The following LNX1 variants were observed in gnomAD, a reference collection of about 807,000 sequenced individuals.
LNX1 encodes the protein E3 ubiquitin-protein ligase LNX.
A neutral mutation model predicts 68.4 loss-of-function variants in LNX1; 54 were observed. The ratio of observed to expected loss-of-function variants is 0.79; its 90% CI spans 0.63 to 0.99. LNX1 has a LOEUF of 0.99. Among genes scored for constraint, LNX1 ranks in the 50% least tolerant of loss-of-function variants. The pLI, the probability that LNX1 is intolerant of heterozygous loss-of-function variation, is 0.00. For synonymous variants in LNX1, 336 were observed against 350.0 expected (o/e 0.96, Z 0.45); for missense variants, 906 against 926.4 (o/e 0.98, Z 0.29).
chr4:53,619,955 A>G (rs1242778032), upstream of LNX1, among the ~76,000 whole-genome samples: 1 of 152,192 alleles, frequency 6.6e-6, no homozygotes, highest in Non-Finnish European at 1.5e-5. Flanking sequence ...AAGAACAAAT[A>G]AAAACTGTGA....
chr4:53,633,134 C>T (rs1486912327), intron 1 of LNX1, among the ~76,000 whole-genome samples: 1 of 152,158 alleles, frequency 6.6e-6, no homozygotes, highest in African/African-American at 2.4e-5. Context: ...TCCTCTATTG[C>T]CCTCTCTATA....
At chr4:53,515,178 T>C (rs9999406) in intron 2 of LNX1, among the ~76,000 whole-genome samples, 79,003 of 151,972 alleles carry the variant, frequency 0.52, 20,726 homozygotes, top group East Asian at 0.69. Flanking sequence ...TTCCTCACAT[T>C]AGTGCCAGAG....
intron 2 of LNX1, among the ~76,000 whole-genome samples, chr4:53,597,650 G>A (rs1031555276): frequency 2.0e-5 from 3 of 152,124 alleles, no homozygotes; most frequent in African/African-American, 7.2e-5. Flanking sequence ...AGTCTCTCCA[G>A]GGCAGATTTC....
chr4:53,540,563 TC>T (rs1418604224), intron 2 of LNX1, among the ~76,000 whole-genome samples: 1 of 151,788 alleles, frequency 6.6e-6, no homozygotes, highest in African/African-American at 2.4e-5. Flanking sequence ...GTGCCTGTAA[TC>T]CCAGCTACTC....
Position 53,573,904 on chromosome 4 carries a change from C to T in LNX1, c.99G>A (p.Glu33=), listed in dbSNP as rs1731326298. ...LEENHFYSYP[E]EVDDDLICHI... The stretch of plus-strand genomic sequence containing the variant: ...GGCAGATGAGGTCATCATCCACTTC[C>T]TCTGGATAGCTGTAGAAGTGGTTTT... The change falls in exon 2 of 11, where the codon GAG becomes GAA. Residue 33 remains glutamate (E), a synonymous_variant. Coordinates refer to ENST00000263925, the MANE Select transcript of LNX1 (RefSeq NM_001126328.3). 1.2e-6 allele frequency: 2 copies of T among 1,613,738 alleles called. No homozygotes were observed. Among genetic ancestry groups the T allele is most frequent in the African/African-American group, 1.3e-5 (1 of 75,052 alleles).
intron 1 of LNX1, among the ~76,000 whole-genome samples, chr4:53,581,615 T>C (rs539710997): frequency 2.6e-5 from 4 of 152,114 alleles, no homozygotes; most frequent in East Asian, 1.9e-4. Flanking sequence ...CGAGAGAACA[T>C]GTGCAGGGGA....
intron 4 of LNX1, among the ~76,000 whole-genome samples, chr4:53,501,453 A>G (rs1725498925): frequency 6.6e-6 from 1 of 151,672 alleles, no homozygotes; most frequent in Non-Finnish European, 1.5e-5. Context: ...ATGTCCCACT[A>G]ATTTCATTTT....
At chr4:53,541,826 A>G (rs1728784175) in intron 2 of LNX1, among the ~76,000 whole-genome samples, 1 of 152,248 alleles carries the variant, frequency 6.6e-6, no homozygotes, top group Non-Finnish European at 1.5e-5. Flanking sequence ...AAATGTTTAA[A>G]CCCTGCAGTG....
At chr4:53,466,831 G>T (rs930761066) in intron 9 of LNX1, among the ~76,000 whole-genome samples, 4 of 152,238 alleles carry the variant, frequency 2.6e-5, no homozygotes, top group African/African-American at 9.6e-5. Flanking sequence ...AAGTGGCCTG[G>T]AAGCTCAAAC....
At chr4:53,572,124 C>T (rs35655756) in intron 2 of LNX1, among the ~76,000 whole-genome samples, 35,827 of 151,992 alleles carry the variant, frequency 0.24, 5,165 homozygotes, top group Non-Finnish European at 0.32. Flanking sequence ...CAGTGTGGCT[C>T]CCACTCTCAA....
chr4:53,597,719 C>A (rs538509056), intron 2 of LNX1, among the ~76,000 whole-genome samples: 13 of 152,308 alleles, frequency 8.5e-5, no homozygotes, highest in Non-Finnish European at 1.5e-4. Context: ...AGCTTTGTTT[C>A]CCTTGTTCTA....
intron 2 of LNX1, among the ~76,000 whole-genome samples, chr4:53,565,094 C>G (rs1730568369): frequency 6.6e-6 from 1 of 151,910 alleles, no homozygotes. Flanking sequence ...ATTGCCCAGG[C>G]TTGATTAGGT....
chr4:53,624,568 A>T (rs1455327833), intron 1 of LNX1, among the ~76,000 whole-genome samples: 1 of 152,138 alleles, frequency 6.6e-6, no homozygotes, highest in Non-Finnish European at 1.5e-5. Context: ...ATGAAAATGG[A>T]CTAATACATC....
At chr4:53,532,677 A>G (rs1335877399) in intron 2 of LNX1, among the ~76,000 whole-genome samples, 1 of 152,216 alleles carries the variant, frequency 6.6e-6, no homozygotes, top group Non-Finnish European at 1.5e-5. Context: ...AGGAAGTTCC[A>G]ACCACAGGAG....
At chr4:53,463,038 A>AGAT (rs758662572) in intron 9 of LNX1, among the ~76,000 whole-genome samples, 2 of 152,288 alleles carry the variant, frequency 1.3e-5, no homozygotes, top group South Asian at 4.1e-4. Context: ...GGTAAGAATT[A>AGAT]GATGATTGTT....
At chr4:53,472,357 G>C (rs1201829323) in intron 9 of LNX1, among the ~76,000 whole-genome samples, 3 of 152,092 alleles carry the variant, frequency 2.0e-5, no homozygotes, top group Non-Finnish European at 4.4e-5. Context: ...GGATGGGGGA[G>C]GGATAGCATT....
At chr4:53,630,699 C>T (rs1259980553) in intron 1 of LNX1, among the ~76,000 whole-genome samples, 2 of 152,038 alleles carry the variant, frequency 1.3e-5, no homozygotes, top group Non-Finnish European at 2.9e-5. Context: ...ATATTAGATG[C>T]GGTGTATTTA....
At chr4:53,509,704 C>T (rs1332113510) in intron 2 of LNX1, among the ~76,000 whole-genome samples, 1 of 152,226 alleles carries the variant, frequency 6.6e-6, no homozygotes, top group Non-Finnish European at 1.5e-5. Flanking sequence ...ATGAGATTGT[C>T]GCTATTTCCA....
intron 2 of LNX1, among the ~76,000 whole-genome samples, chr4:53,598,592 T>C (rs1279133461): frequency 6.6e-6 from 1 of 152,148 alleles, no homozygotes; most frequent in Non-Finnish European, 1.5e-5. Flanking sequence ...AATGTGACTT[T>C]CCACGTACTC....
Sources: gnomAD v4.1 joint callset for allele counts (sites outside exome capture counted in the v4.1 genomes callset) on GRCh38, gnomAD v4.1.1 for gene constraint, MANE v1.5 for transcripts, NCBI Gene and HGNC (gene_info 2026-07-23, HGNC 2026-07-21) for gene names.